Variants in ZFHX4 observed in about 807,000 individuals in gnomAD.
ZFHX4 encodes the protein zinc finger homeobox protein 4.
In ZFHX4, 56 loss-of-function variants were observed where a neutral mutation model predicts 267.6. The observed-to-expected ratio is 0.21, with a 90% CI of 0.17 to 0.26. The LOEUF is 0.26. Ranked by LOEUF, ZFHX4 falls within the 10% of genes least tolerant of loss-of-function variation. The pLI is 1.00. For synonymous variants in ZFHX4, 1,778 were observed against 1,665.6 expected (o/e 1.07, Z -1.64); for missense variants, 4,332 against 4,420.0 (o/e 0.98, Z 0.56).
chr8:76,816,810 A>G lies in ZFHX4; in HGVS notation c.3326-16528A>G, dbSNP rs145213848. On this transcript the variant is annotated intron_variant, in intron 4 of 10. Transcript: ENST00000651372. ...GTGGTTTCTCCATGTTGGTCAGGCT[A>G]GTCTGGAACTCCTGACCTCAGGTGA... 2.1e-3 allele frequency among the ~76,000 whole-genome samples: 319 copies of G among 151,928 alleles called. 1 individual carries two copies. Among genetic ancestry groups the G allele is most frequent in the African/African-American group, 7.4e-3 (308 of 41,452 alleles).
At chr8:76,831,976 T>C (rs553695139) in intron 4 of ZFHX4, among the ~76,000 whole-genome samples, 1 of 139,026 alleles carries the variant, frequency 7.2e-6, no homozygotes, top group South Asian at 2.5e-4. Context: ...TCTTTCATGA[T>C]GAATTTAACA....
intron 3 of ZFHX4, among the ~76,000 whole-genome samples, chr8:76,723,324 C>T (rs547160920): frequency 6.6e-6 from 1 of 152,126 alleles, no homozygotes; most frequent in Non-Finnish European, 1.5e-5. Flanking sequence ...ACTTAATGCT[C>T]TTTGAGATCT....
rs758084979 is a variant in ZFHX4 at position 76,855,331 on chromosome 8, T to A, written c.8410T>A (p.Ser2804Thr). The A allele has an allele frequency of 6.2e-7, 1 of 1,613,594 alleles. No individual in the cohort carries two copies. Among genetic ancestry groups the A allele is most frequent in the South Asian group, 1.1e-5 (1 of 91,056 alleles). The part of the protein sequence containing the change: ...DQNKTDFDET[S>T]SINTAISDAT... The stretch of plus-strand genomic sequence containing the variant: ...AAATAAAACCGATTTTGATGAGACT[T>A]CATCGATTAATACGGCAATCAGTGA... The change falls in exon 10 of 11, where the codon TCA becomes ACA. Residue 2804 changes from serine (S) to threonine (T), a missense_variant. Physicochemically the swap from Ser to Thr is moderately conservative, Grantham distance 58. Around this residue, in one of 7 missense-constraint regions of ZFHX4, gnomAD observed 1,648 missense variants for 1,625.0 expected, o/e 1.01. Transcript: ENST00000651372.
rs1563562784 is a variant in ZFHX4, at chr8:76,854,009, A to T, written c.7088A>T (p.His2363Leu). 1 of 1,613,920 alleles carries T rather than the reference A, an allele frequency of 6.2e-7. No individual in the cohort carries two copies. The highest frequency in any genetic ancestry group is 8.5e-7 in the Non-Finnish European group (1 of 1,179,876). ...MDATDQVVYKHCTVSGQTDAA... is the reference protein window; with the variant it reads ...MDATDQVVYKLCTVSGQTDAA... Reference sequence around the variant, plus strand: ...GCCACTGATCAAGTGGTATACAAGCATTGCACAGTGTCTGGCCAAACGGAT... The same window carrying T: ...GCCACTGATCAAGTGGTATACAAGCTTTGCACAGTGTCTGGCCAAACGGAT... The change falls in exon 10 of 11, where the codon CAT becomes CTT. Residue 2363 changes from histidine to leucine, a missense_variant. Around this residue, in one of 7 missense-constraint regions of ZFHX4, gnomAD observed 1,648 missense variants for 1,625.0 expected, o/e 1.01. Coordinates refer to ENST00000651372, the MANE Select transcript of ZFHX4 (RefSeq NM_024721.5).
intron 8 of ZFHX4, 124 bp downstream of exon 8, chr8:76,849,836 T>A (rs1812464632): frequency 9.0e-7 from 1 of 1,105,348 alleles, no homozygotes; most frequent in African/African-American, 1.5e-5. Flanking sequence ...CTGTTATTGC[T>A]CGTGTTATAG....
intron 10 of ZFHX4, among the ~76,000 whole-genome samples, chr8:76,859,438 G>C (rs931994336): frequency 6.6e-5 from 10 of 152,018 alleles, no homozygotes; most frequent in South Asian, 2.1e-4. Flanking sequence ...ATCAACGTAT[G>C]TTTATATACC....
chr8:76,685,700 A>G (rs1807675462), intron 1 of ZFHX4, among the ~76,000 whole-genome samples: 1 of 152,198 alleles, frequency 6.6e-6, no homozygotes, highest in Non-Finnish European at 1.5e-5. Context: ...AAGAGTATGC[A>G]TGAATTAGCT....
chr8:76,813,337 A>G (rs1811425425), intron 4 of ZFHX4, among the ~76,000 whole-genome samples: 1 of 152,148 alleles, frequency 6.6e-6, no homozygotes, highest in Non-Finnish European at 1.5e-5. Context: ...TCACAAGTTT[A>G]TTATAAGAAG....
intron 3 of ZFHX4, among the ~76,000 whole-genome samples, chr8:76,763,152 C>A (rs1040931579): frequency 5.3e-5 from 8 of 152,180 alleles, no homozygotes; most frequent in African/African-American, 1.7e-4. Flanking sequence ...CATAACAGGG[C>A]CTCAGCTTTG....
At chr8:76,860,938 C>T (rs1013331387) in intron 10 of ZFHX4, among the ~76,000 whole-genome samples, 6 of 152,022 alleles carry the variant, frequency 3.9e-5, no homozygotes, top group African/African-American at 1.4e-4. Context: ...AAACGCAATC[C>T]CAGACATAGA....
At position 76,865,132 on chromosome 8, in the gene ZFHX4, A is replaced by C. The variant is rs1480592972; in HGVS notation, c.*567A>C. 1 of 152,882 alleles carries C rather than the reference A, an allele frequency of 6.5e-6. No homozygotes were observed. The highest frequency in any genetic ancestry group is 1.9e-4 in the East Asian group (1 of 5,192). 9.5% of individuals were successfully genotyped at this position (152,882 alleles called of 1,614,324 possible). A position where few individuals can be genotyped will look rare whatever the true frequency, so the allele number is the denominator to read the frequency against. On this transcript the variant is annotated 3_prime_UTR_variant, in exon 11 of 11. Transcript: ENST00000651372. ...CTTTATAACCCTTACTGGACAACAC[A>C]CAGATCCTTGAGCTCACGCTGCAGG...
Position 76,851,156 on chromosome 8 carries a change from T to G in ZFHX4, c.4235T>G (p.Leu1412Arg). ...TTGGCTTTCAAAACTATGCAGAAGC[T>G]TCAGATACATTCCCAGTATCATGCA... ...CSLAFKTMQK[L>R]QIHSQYHAIR... Residue 1412 changes from leucine (L) to arginine (R), a missense_variant, in exon 10 of 11, where the codon CTT becomes CGT. By Grantham distance (102) the Leu-to-Arg change is moderately radical. Transcript: ENST00000651372. 6.2e-7 allele frequency: 1 copy of G among 1,613,982 alleles called. No individual in the cohort carries two copies.
intron 10 of ZFHX4, 51 bp from the exon 11 acceptor site, chr8:76,863,043 C>T (rs372609289): frequency 4.9e-5 from 71 of 1,455,548 alleles, no homozygotes; most frequent in African/African-American, 5.7e-5. Context: ...TACAGCCTTC[C>T]GATGTTGGTC....
rs183913629 is a variant in ZFHX4, at chr8:76,758,508, T to G, written c.3094-19700T>G. Among the ~76,000 whole-genome samples, 851 of 152,262 alleles carry G rather than the reference T, an allele frequency of 5.6e-3. 7 individuals carry two copies. Among genetic ancestry groups the G allele is most frequent in the Admixed American group, 9.6e-3 (146 of 15,276 alleles). ...TTTTTGTTTGTTTGTTTGTTTGTTT[T>G]TTTTGAGACAATGTCTTACTTTGTC... On this transcript the variant is annotated intron_variant, in intron 3 of 10. Coordinates refer to ENST00000651372, the MANE Select transcript of ZFHX4 (RefSeq NM_024721.5).
intron 1 of ZFHX4, among the ~76,000 whole-genome samples, chr8:76,691,461 G>A (rs567828479): frequency 2.0e-5 from 3 of 152,218 alleles, no homozygotes; most frequent in Admixed American, 6.5e-5. Context: ...TTTGGAGGCA[G>A]CATAATGTAC....
chr8:76,790,472 A>C (rs528694841), intron 4 of ZFHX4, among the ~76,000 whole-genome samples: 32 of 152,228 alleles, frequency 2.1e-4, no homozygotes, highest in African/African-American at 7.5e-4. Flanking sequence ...AGGATAACAG[A>C]CCAAAGTACT....
intron 3 of ZFHX4, among the ~76,000 whole-genome samples, chr8:76,716,928 C>A (rs571569941): frequency 7.9e-5 from 12 of 152,270 alleles, no homozygotes; most frequent in African/African-American, 2.4e-4. Flanking sequence ...GCAAGTTAAG[C>A]ACCTTTGGAA....
rs746537583 is a variant in ZFHX4, at chr8:76,851,720, T to C, written c.4799T>C (p.Val1600Ala). The C allele has an allele frequency of 3.1e-6, 5 of 1,613,868 alleles. No individual in the cohort carries two copies. In the African/African-American group the frequency reaches 6.7e-5, roughly 22 times the overall value. The change falls in exon 10 of 11, where the codon GTT becomes GCT. Residue 1600 changes from valine to alanine, a missense_variant. Coordinates refer to ENST00000651372, the MANE Select transcript of ZFHX4 (RefSeq NM_024721.5). ...CCCTACAAGTGCAGCATCTGCAATGTTGCATACAGCCAAAGCTCAACATTG... is the reference window on the plus strand; with the variant it reads ...CCCTACAAGTGCAGCATCTGCAATGCTGCATACAGCCAAAGCTCAACATTG... The part of the protein sequence containing the change: ...NKPYKCSICN[V>A]AYSQSSTLEI...
intron 4 of ZFHX4, among the ~76,000 whole-genome samples, chr8:76,782,775 C>A (rs1465936400): frequency 1.3e-5 from 2 of 151,916 alleles, no homozygotes; most frequent in Admixed American, 6.6e-5. Flanking sequence ...CTTTCTTGAG[C>A]GTAAAAACAA....
Sources: allele counts gnomAD v4.1 joint callset (sites outside exome capture counted in the v4.1 genomes callset), GRCh38; gene constraint gnomAD v4.1.1; regional missense constraint gnomAD v4.1.1; transcripts MANE v1.5; gene names NCBI Gene and HGNC (gene_info 2026-07-23, HGNC 2026-07-21).